The following GRM4 variants were observed in gnomAD, a reference collection of about 807,000 sequenced individuals.
The protein encoded by GRM4 is metabotropic glutamate receptor 4.
In GRM4, 28 loss-of-function variants were observed where a neutral mutation model predicts 81.7. That is an observed-to-expected ratio of 0.34 (90% CI 0.25 to 0.47). The LOEUF (loss-of-function observed/expected upper bound fraction) is 0.47. GRM4 is among the 20% of genes least tolerant of loss of function. GRM4 has a pLI of 1.00. For missense variants in GRM4, 948 were observed against 1,290.0 expected (o/e 0.73, Z 4.06); for synonymous variants, 488 against 528.8 (o/e 0.92, Z 1.06).
chr6:34,110,859 G>A (rs1769345998), intron 2 of GRM4: 3 of 1,321,154 alleles, frequency 2.3e-6, no homozygotes, highest in Admixed American at 3.8e-5. Flanking sequence ...GCTCAGGCCT[G>A]GAGGTGAGGA....
chr6:34,102,878 G>A (rs1316979518), intron 2 of GRM4, among the ~76,000 whole-genome samples: 5 of 152,226 alleles, frequency 3.3e-5, no homozygotes, highest in African/African-American at 7.2e-5. Context: ...TGCCAAGGTC[G>A]CAGAGCTGGT....
chr6:34,086,882 G>A (rs1319430092), intron 3 of GRM4, among the ~76,000 whole-genome samples: 1 of 152,194 alleles, frequency 6.6e-6, no homozygotes, highest in Non-Finnish European at 1.5e-5. Context: ...AGCACTTTGG[G>A]AGACCAAAGT....
intron 2 of GRM4, among the ~76,000 whole-genome samples, chr6:34,108,967 G>A (rs541131179): frequency 9.2e-5 from 14 of 152,198 alleles, no homozygotes; most frequent in Admixed American, 5.9e-4. Context: ...GCTTTCCACC[G>A]TCATCTCCCT....
chr6:34,092,620 C>T lies in GRM4; in HGVS notation c.520-521G>A, dbSNP rs1248136978. Among the ~76,000 whole-genome samples the T allele has an allele frequency of 6.6e-6, 1 of 152,100 alleles. No individual in the cohort carries two copies. The highest frequency in any genetic ancestry group is 2.4e-5 in the African/African-American group (1 of 41,420). Reference sequence around the variant, plus strand: ...GAGATGGAGCCTCGATTCCAGCTCCCCTGTCCCCCACTCCAACCCCAAGGA... The same window carrying T: ...GAGATGGAGCCTCGATTCCAGCTCCTCTGTCCCCCACTCCAACCCCAAGGA... On this transcript the variant is annotated intron_variant, in intron 2 of 10. Coordinates refer to ENST00000538487, the MANE Select transcript of GRM4 (RefSeq NM_000841.4). This position sits in a 1 kb window ranked among gnomAD's most constrained non-coding sequence, Gnocchi z 6.8.
intron 2 of GRM4, chr6:34,110,513 G>A (rs952791334): frequency 2.1e-6 from 1 of 486,222 alleles, no homozygotes; most frequent in Non-Finnish European, 3.7e-6. Context: ...AGTGCCCTCT[G>A]CCAACTGGGC....
At chr6:34,050,317 G>A (rs9469697) in intron 6 of GRM4, among the ~76,000 whole-genome samples, 36,311 of 152,112 alleles carry the variant, frequency 0.24, 5,016 homozygotes, top group African/African-American at 0.37. Context: ...ATCTCATGTC[G>A]AAATGTGATC....
At chr6:34,097,106 C>G (rs1561810557) in intron 2 of GRM4, among the ~76,000 whole-genome samples, 1 of 152,190 alleles carries the variant, frequency 6.6e-6, no homozygotes, top group Non-Finnish European at 1.5e-5. Flanking sequence ...CTGCCGTCAG[C>G]GGGCTCCAAT....
intron 2 of GRM4, among the ~76,000 whole-genome samples, chr6:34,098,975 C>A (rs558976573): frequency 6.6e-6 from 1 of 152,024 alleles, no homozygotes; most frequent in African/African-American, 2.4e-5. Flanking sequence ...CTCACCTGCA[C>A]CTCCCCAGGG....
At chr6:34,044,454 A>G (rs999979894) in intron 6 of GRM4, among the ~76,000 whole-genome samples, 3 of 135,842 alleles carry the variant, frequency 2.2e-5, no homozygotes, top group African/African-American at 9.5e-5. Context: ...ACACATATAT[A>G]GACACACACA....
At chr6:34,030,521 C>T (rs924792384) in intron 9 of GRM4, among the ~76,000 whole-genome samples, 1 of 152,174 alleles carries the variant, frequency 6.6e-6, no homozygotes, top group Admixed American at 6.5e-5. Context: ...TTCTACTCTG[C>T]CTCAGCCCAC....
intron 2 of GRM4, among the ~76,000 whole-genome samples, chr6:34,110,298 A>C: frequency 1.5e-5 from 2 of 137,182 alleles, no homozygotes. Context: ...TGTCTCAAAA[A>C]CAACACCCAC....
Position 34,036,611 on chromosome 6 carries a change from T to C in GRM4, c.1507-8A>G, listed in dbSNP as rs768407002. 2.7e-6 allele frequency: 4 copies of C among 1,502,680 alleles called. No homozygotes were observed. In the Admixed American group the frequency reaches 5.3e-5, roughly 20 times the overall value. The allele number at this position is 1,502,680 out of a possible 1,614,324, so 93.1% of individuals were successfully genotyped here. On this transcript the variant is annotated splice_polypyrimidine_tract_variant and splice_region_variant and intron_variant, in intron 8 of 10. Transcript: ENST00000538487. The surrounding 1 kb of genome is among the most constrained non-coding windows in gnomAD (Gnocchi z 9.0). Reference sequence around the variant, plus strand: ...CCAGTGCATCCGCTCTATCTGGCAATGACAGCACCGTAAAGCAGGCCTCAG... The same window carrying C: ...CCAGTGCATCCGCTCTATCTGGCAACGACAGCACCGTAAAGCAGGCCTCAG...
At chr6:34,110,886 C>T (rs928487156) in intron 2 of GRM4, 1 of 1,298,748 alleles carries the variant, frequency 7.7e-7, no homozygotes, top group Non-Finnish European at 9.8e-7. Context: ...AGGAAGTTCC[C>T]CCCAGGGCAG....
chr6:34,026,963 C>A (rs1764162796), intron 10 of GRM4, among the ~76,000 whole-genome samples: 1 of 152,154 alleles, frequency 6.6e-6, no homozygotes, highest in Non-Finnish European at 1.5e-5. Context: ...GGGAGAGGGT[C>A]CCCAATTTGG....
In GRM4 at chr6:34,074,992, A is replaced by C. The variant is rs1383743207; in HGVS notation, c.737-12964T>G. On this transcript the variant is annotated intron_variant, in intron 3 of 10. Coordinates refer to ENST00000538487, the MANE Select transcript of GRM4 (RefSeq NM_000841.4). The surrounding 1 kb of genome is among the most constrained non-coding windows in gnomAD (Gnocchi z 4.9). Reference sequence around the variant, plus strand: ...TTTCTTGGGTTCAGTTCATGAAGGGAAGGGAGTCTGCTCAAGGCTTGCACA... The same window carrying C: ...TTTCTTGGGTTCAGTTCATGAAGGGCAGGGAGTCTGCTCAAGGCTTGCACA... Among the ~76,000 whole-genome samples, 1 of 151,602 alleles carries C rather than the reference A, an allele frequency of 6.6e-6. No individual in the cohort carries two copies. The highest frequency in any genetic ancestry group is 1.5e-5 in the Non-Finnish European group (1 of 68,022).
chr6:34,121,509 C>G lies in GRM4; in HGVS notation c.519+11469G>C, dbSNP rs2451339. 0.55 allele frequency among the ~76,000 whole-genome samples: 83,286 copies of G among 152,074 alleles called. 22,958 individuals carry two copies. The highest frequency in any genetic ancestry group is 0.62 in the Admixed American group (9,474 of 15,288). On this transcript the variant is annotated intron_variant, in intron 2 of 10. Coordinates refer to ENST00000538487, the MANE Select transcript of GRM4 (RefSeq NM_000841.4). The surrounding 1 kb of genome is among the most constrained non-coding windows in gnomAD (Gnocchi z 4.6). ...CCCATTAGGGCTCCCATTAGGGCCC[C>G]GCTCTACCCAGCCAGAGCTCCCCCT...
At chr6:34,119,698 C>A (rs1769728801) in intron 2 of GRM4, among the ~76,000 whole-genome samples, 1 of 152,212 alleles carries the variant, frequency 6.6e-6, no homozygotes, top group African/African-American at 2.4e-5. Context: ...AGATTGGAAA[C>A]CACCTAATGT....
At chr6:34,026,712 GCTCT>G (rs1764150058) in intron 10 of GRM4, among the ~76,000 whole-genome samples, 1 of 152,182 alleles carries the variant, frequency 6.6e-6, no homozygotes, top group Non-Finnish European at 1.5e-5. Context: ...AGCCATCAGA[GCTCT>G]CTGTGAGGGC....
Position 34,035,580 on chromosome 6 carries a change from CA to C in GRM4, c.2442+87del, listed in dbSNP as rs1289313957. The stretch of plus-strand genomic sequence containing the variant: ...GGCATGAAAGAAGGCATTTCTGGAG[CA>C]GGGGGGAGGCCAGCCAGCCTCAGGA... On this transcript the variant is annotated intron_variant, in intron 9 of 10. Coordinates refer to ENST00000538487, the MANE Select transcript of GRM4 (RefSeq NM_000841.4). The surrounding 1 kb of genome is among the most constrained non-coding windows in gnomAD (Gnocchi z 6.6). 16 of 655,338 alleles carry C rather than the reference CA, an allele frequency of 2.4e-5. No individual in the cohort carries two copies. Among genetic ancestry groups the C allele is most frequent in the Non-Finnish European group, 3.1e-5 (13 of 413,004 alleles). The allele number at this position is 655,338 out of a possible 1,614,324, so 40.6% of individuals were successfully genotyped here.
Sources: allele counts gnomAD v4.1 joint callset (sites outside exome capture counted in the v4.1 genomes callset), GRCh38; gene constraint gnomAD v4.1.1; non-coding constraint Gnocchi (gnomAD v3.1); transcripts MANE v1.5; gene names NCBI Gene and HGNC (gene_info 2026-07-23, HGNC 2026-07-21).